LDB1: variants seen among roughly 807,000 people sequenced by gnomAD.
LDB1 encodes the protein LIM domain-binding protein 1.
Under a neutral mutation model 49.7 loss-of-function variants are expected in LDB1, and 6 were observed. That is an observed-to-expected ratio of 0.12 (90% CI 0.07 to 0.24). The LOEUF is 0.24. Ranked by LOEUF, LDB1 falls within the 10% of genes least tolerant of loss-of-function variation. The pLI, the probability that LDB1 is intolerant of heterozygous loss-of-function variation, is 1.00. For synonymous variants in LDB1, 233 were observed against 202.0 expected, an observed-to-expected ratio of 1.15 and a Z score of -1.30; for missense variants, 341 against 561.7, an observed-to-expected ratio of 0.61 and a Z score of 3.97.
downstream of LDB1, among the ~76,000 whole-genome samples, chr10:102,106,435 A>G (rs1443173850): frequency 6.6e-6 from 1 of 151,344 alleles, no homozygotes; most frequent in Non-Finnish European, 1.5e-5. Context: ...GGATGGGGAA[A>G]AGATTGCCTT....
At chr10:102,103,472 C>T (rs1357665827), downstream of LDB1, among the ~76,000 whole-genome samples, 1 of 152,042 alleles carries the variant, frequency 6.6e-6, no homozygotes, top group Non-Finnish European at 1.5e-5. Flanking sequence ...TCCCAAGTAG[C>T]TGGGACTATA....
intron 6 of LDB1, chr10:102,110,296 C>T: frequency 1.6e-6 from 1 of 625,478 alleles, no homozygotes; most frequent in Admixed American, 3.0e-5. Flanking sequence ...CCCACCTGCT[C>T]TAAGCTATAT....
At chr10:102,114,810 C>CCGGG in intron 1 of LDB1, 3 of 963,282 alleles carry the variant, frequency 3.1e-6, no homozygotes, top group Non-Finnish European at 3.7e-6. Flanking sequence ...TGCCTCCGAG[C>CCGGG]AGCCCGCCCG....
Position 102,109,064 on chromosome 10 carries a change from G to A in LDB1, c.970C>T (p.Pro324Ser). The A allele has an allele frequency of 6.2e-7, 1 of 1,614,194 alleles. No homozygotes were observed. The highest frequency in any genetic ancestry group is 8.5e-7 in the Non-Finnish European group (1 of 1,180,040). ...CTGGAGAGGGCGAAGGTGCTAGCTGGGCTCTTCTTCTTGCTGTTGCTGTTG... is the reference window on the plus strand; with the variant it reads ...CTGGAGAGGGCGAAGGTGCTAGCTGAGCTCTTCTTCTTGCTGTTGCTGTTG... ...TNNSNSKKKS[P>S]ASTFALSSQV... The change falls in exon 10 of 11, where the codon CCA becomes TCA. Residue 324 changes from proline (P) to serine (S), a missense_variant. Transcript: ENST00000673968. This position sits in a 1 kb window ranked among gnomAD's most constrained non-coding sequence, Gnocchi z 5.8.
rs1471289360 is a variant in LDB1, at chr10:102,109,377, C to T, written c.856+7G>A. The T allele has an allele frequency of 6.2e-7, 1 of 1,613,826 alleles. No homozygotes were observed. The highest frequency in any genetic ancestry group is 1.3e-5 in the African/African-American group (1 of 74,916). ...GATCCTGGTAAGAGCAGGTGCAAGG[C>T]ACTCACCAGGGGGTGCTACCATGCG... On this transcript the variant is annotated splice_region_variant and intron_variant, in intron 9 of 10. Transcript: ENST00000673968. The surrounding 1 kb of genome is among the most constrained non-coding windows in gnomAD (Gnocchi z 5.8).
intron 1 of LDB1, among the ~76,000 whole-genome samples, chr10:102,112,207 A>G (rs549927174): frequency 6.6e-6 from 1 of 152,332 alleles, no homozygotes; most frequent in South Asian, 2.1e-4. Context: ...TTTAATCTAC[A>G]TACTTTCACT....
At position 102,109,333 on chromosome 10, in the gene LDB1, G is replaced by A. The variant is rs2068215873; in HGVS notation, c.856+51C>T. 3.1e-6 allele frequency: 5 copies of A among 1,611,960 alleles called. No individual in the cohort carries two copies. Among genetic ancestry groups the A allele is most frequent in the Non-Finnish European group, 4.2e-6 (5 of 1,179,262 alleles). The stretch of plus-strand genomic sequence containing the variant: ...AACTTCAAAAGGAAATAAAGATACA[G>A]CTTTGGGGAGCGGTGTGAGATCCTG... On this transcript the variant is annotated intron_variant, in intron 9 of 10. Transcript: ENST00000673968. This position sits in a 1 kb window ranked among gnomAD's most constrained non-coding sequence, Gnocchi z 5.8.
chr10:102,118,980 G>A (rs971891498), intron 1 of LDB1, among the ~76,000 whole-genome samples: 3 of 152,206 alleles, frequency 2.0e-5, no homozygotes, highest in Non-Finnish European at 4.4e-5. Context: ...AGCCTCAGCA[G>A]GCACCTGAAG....
chr10:102,108,761 C>T (rs963956094), intron 10 of LDB1, among the ~76,000 whole-genome samples: 2 of 152,194 alleles, frequency 1.3e-5, no homozygotes, highest in African/African-American at 4.8e-5. Context: ...CTGTGAGCCC[C>T]AAGCTGTCTG....
At chr10:102,110,388 T>C (rs908818701) in intron 6 of LDB1, 141 bp downstream of exon 6, 3 of 821,248 alleles carry the variant, frequency 3.7e-6, no homozygotes, top group Non-Finnish European at 5.7e-6. Flanking sequence ...TTGCTGACGG[T>C]TGCAACATGC....
At chr10:102,114,343 G>T in intron 1 of LDB1, 1 of 986,330 alleles carries the variant, frequency 1.0e-6, no homozygotes, top group Non-Finnish European at 1.2e-6. Flanking sequence ...CGCAGATCAG[G>T]CCCGGGCCGG....
intron 1 of LDB1, chr10:102,114,812 G>GGCCCCCCC: frequency 5.9e-5 from 55 of 929,794 alleles, no homozygotes; most frequent in Middle Eastern, 5.5e-4. Flanking sequence ...CCTCCGAGCA[G>GGCCCCCCC]CCCGCCCGCC....
upstream of LDB1, among the ~76,000 whole-genome samples, chr10:102,120,904 T>G (rs534470937): frequency 2.6e-5 from 4 of 152,250 alleles, no homozygotes; most frequent in African/African-American, 9.6e-5. Flanking sequence ...CCCCTGTCCG[T>G]GCTCCCTGCT....
At chr10:102,112,196 T>A (rs1357457100) in intron 1 of LDB1, among the ~76,000 whole-genome samples, 2 of 152,210 alleles carry the variant, frequency 1.3e-5, no homozygotes, top group Non-Finnish European at 2.9e-5. Flanking sequence ...ATAAACCCCC[T>A]TTTAATCTAC....
chr10:102,110,747 G>T (rs1194673521), intron 5 of LDB1, 46 bp from the exon 6 acceptor site: 1 of 1,597,758 alleles, frequency 6.3e-7, no homozygotes, highest in East Asian at 2.2e-5. Flanking sequence ...ACCGCAAAAG[G>T]GGCCAGGCAG....
intron 10 of LDB1, 75 bp downstream of exon 10, chr10:102,108,954 G>GATT: frequency 6.3e-7 from 1 of 1,582,214 alleles, no homozygotes; most frequent in Non-Finnish European, 8.7e-7. Flanking sequence ...GCCTGCTAGT[G>GATT]AGCTCAGGCT....
At chr10:102,110,184 G>A in intron 6 of LDB1, 141 bp from the exon 7 acceptor site, 1 of 909,594 alleles carries the variant, frequency 1.1e-6, no homozygotes, top group Non-Finnish European at 1.6e-6. Context: ...GTGCATAAAT[G>A]TCACAGTACC....
chr10:102,120,882 G>A (rs550295364), upstream of LDB1, among the ~76,000 whole-genome samples: 544 of 152,292 alleles, frequency 3.6e-3, 4 homozygotes, highest in South Asian at 0.012. Context: ...GGAGGGAAAA[G>A]GGACTGCAGA....
intron 6 of LDB1, chr10:102,110,284 C>T: frequency 1.6e-6 from 1 of 621,976 alleles, no homozygotes; most frequent in South Asian, 2.0e-5. Flanking sequence ...GCTAGTGATA[C>T]ACCCACCTGC....
Sources: gnomAD v4.1 joint callset for allele counts (sites outside exome capture counted in the v4.1 genomes callset) on GRCh38, gnomAD v4.1.1 for gene constraint, Gnocchi (gnomAD v3.1) non-coding constraint, MANE v1.5 for transcripts, NCBI Gene and HGNC (gene_info 2026-07-23, HGNC 2026-07-21) for gene names.